RNF150: variants seen among roughly 807,000 people sequenced by gnomAD.
RNF150 encodes ring finger protein 150.
In RNF150, 24 loss-of-function variants were observed where a neutral mutation model predicts 39.3. The observed-to-expected ratio is 0.61, with a 90% CI of 0.44 to 0.86. RNF150 has a LOEUF of 0.86. Ranked by LOEUF, RNF150 falls within the 40% of genes least tolerant of loss-of-function variation. RNF150 has a pLI of 0.00. For missense variants in RNF150, 502 were observed against 587.8 expected, an observed-to-expected ratio of 0.85 and a Z score of 1.51; for synonymous variants, 255 against 227.3, an observed-to-expected ratio of 1.12 and a Z score of -1.10.
At chr4:140,941,284 C>T (rs911953373) in intron 4 of RNF150, among the ~76,000 whole-genome samples, 2 of 152,116 alleles carry the variant, frequency 1.3e-5, no homozygotes, top group African/African-American at 2.4e-5. Context: ...CTGGTGAGTT[C>T]CCATGAGGAA....
chr4:141,101,696 C>T (rs1464053145), intron 1 of RNF150, among the ~76,000 whole-genome samples: 1 of 152,250 alleles, frequency 6.6e-6, no homozygotes, highest in Admixed American at 6.5e-5. Context: ...TAACTACAAA[C>T]ACATGAGTAA....
chr4:141,132,403 A>G lies in RNF150; in HGVS notation c.406T>C (p.Phe136Leu), dbSNP rs370749493. The change falls in exon 1 of 7, where the codon TTC becomes CTC. Residue 136 changes from phenylalanine (F) to leucine (L), a missense_variant. Transcript: ENST00000515673. This position sits in a 1 kb window ranked among gnomAD's most constrained non-coding sequence, Gnocchi z 4.9. ...ACCACGGCTGAGGCGTTCTGCAGGA[A>G]CGCGTTCCGGATCTTATCCCTGTAC... ...CTYRDKIRNAFLQNASAVVIF... is the reference protein window; with the variant it reads ...CTYRDKIRNALLQNASAVVIF... 4.2e-5 allele frequency: 68 copies of G among 1,607,000 alleles called. No individual in the cohort carries two copies. Among genetic ancestry groups the G allele is most frequent in the Non-Finnish European group, 5.5e-5 (65 of 1,177,384 alleles).
intron 1 of RNF150, among the ~76,000 whole-genome samples, chr4:141,155,252 A>ATT (rs70946798): frequency 0.37 from 46,845 of 126,088 alleles, 9,495 homozygotes; most frequent in East Asian, 0.76. Context: ...CACCCGGCTG[A>ATT]TTTTTTTTTT....
In RNF150 at chr4:141,132,201, G is replaced by A. The variant is rs1473718224; in HGVS notation, c.484+124C>T. ...CGGAGCAAAACTTAATCGGTCCAGG[G>A]AACCCAGACACGTCTTCCGCGCCGC... On this transcript the variant is annotated intron_variant, in intron 1 of 6. Coordinates refer to ENST00000515673, the MANE Select transcript of RNF150 (RefSeq NM_020724.2). This position sits in a 1 kb window ranked among gnomAD's most constrained non-coding sequence, Gnocchi z 4.9. 1.0e-5 allele frequency: 10 copies of A among 997,982 alleles called. No individual in the cohort carries two copies. The highest frequency in any genetic ancestry group is 3.0e-4 in the Middle Eastern group (1 of 3,384). The allele number at this position is 997,982 out of a possible 1,614,324, so 61.8% of individuals were successfully genotyped here.
intron 1 of RNF150, among the ~76,000 whole-genome samples, chr4:141,000,999 A>T (rs932701333): frequency 1.3e-5 from 2 of 152,196 alleles, no homozygotes; most frequent in African/African-American, 4.8e-5. Flanking sequence ...TGCTACAGAG[A>T]AAAAGAATTA....
chr4:141,141,913 G>A (rs1727123747), intron 1 of RNF150, among the ~76,000 whole-genome samples: 1 of 152,164 alleles, frequency 6.6e-6, no homozygotes, highest in Non-Finnish European at 1.5e-5. Context: ...ACATTGGGGT[G>A]ACAAAAGTTA....
chr4:141,039,415 A>C lies in RNF150; in HGVS notation c.485-71542T>G, dbSNP rs988502248. Among the ~76,000 whole-genome samples, 12 of 151,356 alleles carry C rather than the reference A, an allele frequency of 7.9e-5. 1 individual carries two copies. Among genetic ancestry groups the C allele is most frequent in the African/African-American group, 2.9e-4 (12 of 41,282 alleles). On this transcript the variant is annotated intron_variant, in intron 1 of 6. Transcript: ENST00000515673. ...AGGAGGTAGAGAAAGAAAGGGGAGG[A>C]GAAAAAAGGGAGAGGAGAAAAGAGG... is the stretch of plus-strand genomic sequence containing the variant.
chr4:140,866,687 G>A lies in RNF150; in HGVS notation c.*1574C>T, dbSNP rs1432591606. 1 of 152,146 alleles carries A rather than the reference G, an allele frequency of 6.6e-6. No individual in the cohort carries two copies. Among genetic ancestry groups the A allele is most frequent in the East Asian group, 1.9e-4 (1 of 5,178 alleles). The allele number at this position is 152,146 out of a possible 1,614,324, so 9.4% of individuals were successfully genotyped here. On this transcript the variant is annotated 3_prime_UTR_variant, in exon 7 of 7. Coordinates refer to ENST00000515673, the MANE Select transcript of RNF150 (RefSeq NM_020724.2). ...GAATGAGTATTAGTCTAATGAGGTG[G>A]AAAAGTCCCCATCAATACATAAAAA...
intron 1 of RNF150, among the ~76,000 whole-genome samples, chr4:141,018,959 G>T (rs1578637405): frequency 6.7e-6 from 1 of 150,192 alleles, no homozygotes. Context: ...TATAAACATT[G>T]CTGGGGTTTA....
Position 141,111,817 on chromosome 4 carries a change from T to C in RNF150, c.484+20508A>G, listed in dbSNP as rs543545839. ...CACTTTACATACCTGTATATGGACA[T>C]ATTTTAAATTCTTGTAATAATAATA... On this transcript the variant is annotated intron_variant, in intron 1 of 6. Coordinates refer to ENST00000515673, the MANE Select transcript of RNF150 (RefSeq NM_020724.2). Among the ~76,000 whole-genome samples, 18 of 152,352 alleles carry C rather than the reference T, an allele frequency of 1.2e-4. No homozygotes were observed. In the South Asian group the frequency reaches 3.7e-3, roughly 32 times the overall value.
At chr4:140,991,921 T>C (rs1399067087) in intron 1 of RNF150, among the ~76,000 whole-genome samples, 1 of 152,134 alleles carries the variant, frequency 6.6e-6, no homozygotes, top group Non-Finnish European at 1.5e-5. Flanking sequence ...ACAAGGTCAC[T>C]CAATAATTCT....
At chr4:141,143,070 G>A (rs1306498418) in intron 1 of RNF150, among the ~76,000 whole-genome samples, 2 of 151,924 alleles carry the variant, frequency 1.3e-5, no homozygotes, top group African/African-American at 2.4e-5. Flanking sequence ...GGGTTTCACC[G>A]TGTTGCCCAG....
chr4:140,894,687 A>ATC (rs1279726984), intron 6 of RNF150, among the ~76,000 whole-genome samples: 1 of 152,232 alleles, frequency 6.6e-6, no homozygotes, highest in Non-Finnish European at 1.5e-5. Context: ...TTCTTAAAAA[A>ATC]TCTGCAGCCA....
At chr4:140,975,724 T>G (rs1733638147) in intron 1 of RNF150, among the ~76,000 whole-genome samples, 1 of 152,132 alleles carries the variant, frequency 6.6e-6, no homozygotes, top group South Asian at 2.1e-4. Flanking sequence ...GTCTTGTTCC[T>G]CCAGAAGATC....
chr4:140,881,356 G>A (rs1472606676), intron 6 of RNF150, among the ~76,000 whole-genome samples: 1 of 151,876 alleles, frequency 6.6e-6, no homozygotes, highest in Non-Finnish European at 1.5e-5. Flanking sequence ...TAGAAATGAG[G>A]TTTCACCATT....
At chr4:141,087,664 T>C (rs930175837) in intron 1 of RNF150, among the ~76,000 whole-genome samples, 7 of 152,216 alleles carry the variant, frequency 4.6e-5, no homozygotes, top group Non-Finnish European at 8.8e-5. Flanking sequence ...TATGTTTACT[T>C]TTAAAATCAC....
chr4:141,174,131 A>T (rs941428354), intron 1 of RNF150, among the ~76,000 whole-genome samples: 3 of 152,224 alleles, frequency 2.0e-5, no homozygotes, highest in African/African-American at 7.2e-5. Context: ...ACCCAAAATA[A>T]AGTTACATTT....
intron 1 of RNF150, among the ~76,000 whole-genome samples, chr4:141,098,167 C>G (rs1321140101): frequency 6.6e-6 from 1 of 152,216 alleles, no homozygotes; most frequent in African/African-American, 2.4e-5. Flanking sequence ...TGTTCTAGGT[C>G]TTCCCAGACA....
Position 141,027,934 on chromosome 4 carries a change from T to G in RNF150, c.485-60061A>C, listed in dbSNP as rs544288223. Among the ~76,000 whole-genome samples, 373 of 127,290 alleles carry G rather than the reference T, an allele frequency of 2.9e-3. 24 individuals carry two copies. The highest frequency in any genetic ancestry group is 5.1e-3 in the Non-Finnish European group (305 of 59,416). The allele number at this position is 127,290 out of a possible 152,430, so 83.5% of individuals were successfully genotyped here. A position where few individuals can be genotyped will look rare whatever the true frequency, so the allele number is the denominator to read the frequency against. ...TTTGTTTTTTTTTTTTTGTTTTTTT[T>G]TTTTTTTTTTTTTTTTTTCAATCCT... On this transcript the variant is annotated intron_variant, in intron 1 of 6. Coordinates refer to ENST00000515673, the MANE Select transcript of RNF150 (RefSeq NM_020724.2).
Sources: gnomAD v4.1 joint callset for allele counts (sites outside exome capture counted in the v4.1 genomes callset) on GRCh38, gnomAD v4.1.1 for gene constraint, Gnocchi (gnomAD v3.1) non-coding constraint, MANE v1.5 for transcripts, NCBI Gene and HGNC (gene_info 2026-07-23, HGNC 2026-07-21) for gene names.